The following B4GALNT2 variants were observed in gnomAD, a reference collection of about 807,000 sequenced individuals.
B4GALNT2 encodes beta-1,4-N-acetyl-galactosaminyltransferase 2 (SID blood group).
Under a neutral mutation model 51.1 loss-of-function variants are expected in B4GALNT2, and 42 were observed. That is an observed-to-expected ratio of 0.82 (90% confidence interval 0.64 to 1.06). The LOEUF (loss-of-function observed/expected upper bound fraction) is 1.06, where lower values mean the gene tolerates loss of function less well. B4GALNT2 is among the 50% of genes least tolerant of loss of function. The pLI is 0.00. For missense variants in B4GALNT2, 602 were observed against 633.6 expected (o/e 0.95, Z 0.54); for synonymous variants, 253 against 251.7 (o/e 1.01, Z -0.05).
chr17:49,164,241 A>G lies in B4GALNT2; in HGVS notation c.920A>G (p.Asn307Ser). 2 of 1,613,410 alleles carry G rather than the reference A, an allele frequency of 1.2e-6. No homozygotes were observed. The highest frequency in any genetic ancestry group is 1.7e-6 in the Non-Finnish European group (2 of 1,179,394). Residue 307 changes from asparagine to serine, a missense_variant, in exon 8 of 11, where the codon AAT (asparagine) becomes AGT (serine). Physicochemically the swap from Asn to Ser is conservative, Grantham distance 46. Transcript: ENST00000393354. ...CAGAAGCCCCTGGAAATTAAAGACAATCACGTGGAGTATTACACTATGCCC... is the reference window on the plus strand; with the variant it reads ...CAGAAGCCCCTGGAAATTAAAGACAGTCACGTGGAGTATTACACTATGCCC... ...DSQKPLEIKD[N>S]HVEYYTMPFG...
chr17:49,128,944 A>G (rs1035797631), upstream of B4GALNT2, among the ~76,000 whole-genome samples: 1 of 152,182 alleles, frequency 6.6e-6, no homozygotes, highest in Non-Finnish European at 1.5e-5. Context: ...CTCTTTATAA[A>G]GAGGATGGTC....
rs1437864818 is a variant in B4GALNT2, at chr17:49,169,936, A to T, written c.*208A>T. 2.1e-5 allele frequency: 10 copies of T among 476,112 alleles called. No individual in the cohort carries two copies. The South Asian group carries it at 4.4e-4, about 21-fold the overall frequency. The allele number at this position is 476,112 out of a possible 1,614,324, so 29.5% of individuals were successfully genotyped here. ...CACTGACCAGGGCAATGGAGACTGT[A>T]TTAATAGCAATGATGATTTGTACAA... On this transcript the variant is annotated 3_prime_UTR_variant, in exon 11 of 11. Transcript: ENST00000393354.
intron 3 of B4GALNT2, among the ~76,000 whole-genome samples, chr17:49,142,796 T>C (rs1299711818): frequency 6.6e-6 from 1 of 152,196 alleles, no homozygotes; most frequent in African/African-American, 2.4e-5. Flanking sequence ...CAGGCCATCA[T>C]AGCAGGTGAT....
intron 3 of B4GALNT2, chr17:49,148,670 C>A: frequency 1.8e-6 from 1 of 564,732 alleles, no homozygotes; most frequent in South Asian, 2.1e-5. Flanking sequence ...GCACAACCTT[C>A]ATGACATGAA....
At chr17:49,127,914 C>G (rs867511247), upstream of B4GALNT2, among the ~76,000 whole-genome samples, 17 of 152,100 alleles carry the variant, frequency 1.1e-4, no homozygotes, top group Admixed American at 2.6e-4. Flanking sequence ...AATGGCAAGA[C>G]AGAGTGGAGA....
intron 1 of B4GALNT2, among the ~76,000 whole-genome samples, chr17:49,136,396 A>G (rs1284574329): frequency 6.6e-6 from 1 of 151,942 alleles, no homozygotes; most frequent in African/African-American, 2.4e-5. Flanking sequence ...CATTTCAGGC[A>G]TACAATCGAA....
chr17:49,176,689 C>G lies in B4GALNT2; in HGVS notation c.*6961C>G, dbSNP rs1160369362. 1 of 152,228 alleles carries G rather than the reference C, an allele frequency of 6.6e-6. No homozygotes were observed. The highest frequency in any genetic ancestry group is 6.5e-5 in the Admixed American group (1 of 15,280). 9.4% of individuals were successfully genotyped at this position (152,228 alleles called of 1,614,324 possible). On this transcript the variant is annotated 3_prime_UTR_variant, in exon 11 of 11. Transcript: ENST00000393354. ...GCCAGATTTGGGGGCCTGTTCCCAA[C>G]AGCAGATTCTATGACCACTTCAGCC...
In B4GALNT2 at chr17:49,141,416, C is replaced by T; in HGVS notation, c.184C>T (p.Leu62Phe). The change falls in exon 2 of 11, where the codon CTC becomes TTC. Residue 62 changes from leucine (L) to phenylalanine (F), a missense_variant. Coordinates refer to ENST00000393354, the MANE Select transcript of B4GALNT2 (RefSeq NM_001159387.2). Reference sequence around the variant, plus strand: ...GCTGAAGCTTCTGCCTGAGGAACGTCTCAGGAACCTCTTTTCCTACGATGG... The same window carrying T: ...GCTGAAGCTTCTGCCTGAGGAACGTTTCAGGAACCTCTTTTCCTACGATGG... ...QKLKLLPEER[L>F]RNLFSYDGIW... 1 of 1,614,170 alleles carries T rather than the reference C, an allele frequency of 6.2e-7. No homozygotes were observed. The highest frequency in any genetic ancestry group is 1.1e-5 in the South Asian group (1 of 91,078).
upstream of B4GALNT2, chr17:49,132,697 C>A (rs890502233): frequency 2.5e-5 from 34 of 1,347,068 alleles, no homozygotes; most frequent in Non-Finnish European, 3.0e-5. Context: ...CCCTACTCGC[C>A]GAGAATTTGC....
At chr17:49,150,076 G>C (rs1392477231) in intron 3 of B4GALNT2, among the ~76,000 whole-genome samples, 1 of 152,120 alleles carries the variant, frequency 6.6e-6, no homozygotes, top group Non-Finnish European at 1.5e-5. Flanking sequence ...GGTCGGGGGG[G>C]GTCAGCCCCC....
At chr17:49,154,550 C>T (rs1367479908) in intron 4 of B4GALNT2, among the ~76,000 whole-genome samples, 1 of 150,798 alleles carries the variant, frequency 6.6e-6, no homozygotes, top group East Asian at 2.0e-4. Flanking sequence ...AACAGCCCCC[C>T]GAAACCTGCA....
At chr17:49,163,163 C>T (rs1044382836) in intron 7 of B4GALNT2, among the ~76,000 whole-genome samples, 5 of 152,160 alleles carry the variant, frequency 3.3e-5, no homozygotes, top group Non-Finnish European at 7.3e-5. Flanking sequence ...ACATCTGCAG[C>T]TCCAGTTGTG....
intron 7 of B4GALNT2, among the ~76,000 whole-genome samples, chr17:49,161,805 C>T (rs958444598): frequency 2.7e-5 from 4 of 150,682 alleles, no homozygotes; most frequent in African/African-American, 4.9e-5. Flanking sequence ...TGCAGTGAGC[C>T]GAGATCCTGC....
chr17:49,169,538 G>C lies in B4GALNT2; in HGVS notation c.1331G>C (p.Gly444Ala). Reference sequence around the variant, plus strand: ...CTCTTTGCAGAATTCTTCATTGATGGGCTAGGGACCCTACTCGTGGGGTCA... The same window carrying C: ...CTCTTTGCAGAATTCTTCATTGATGCGCTAGGGACCCTACTCGTGGGGTCA... ...RVAHSEFFID[G>A]LGTLLVGSCP... Residue 444 changes from glycine to alanine, a missense_variant, in exon 11 of 11, where the codon GGG becomes GCG. Transcript: ENST00000393354. 2 of 1,611,646 alleles carry C rather than the reference G, an allele frequency of 1.2e-6. No homozygotes were observed. Among genetic ancestry groups the C allele is most frequent in the Non-Finnish European group, 1.7e-6 (2 of 1,179,948 alleles).
At chr17:49,146,628 A>C (rs901613380) in intron 3 of B4GALNT2, among the ~76,000 whole-genome samples, 1 of 152,078 alleles carries the variant, frequency 6.6e-6, no homozygotes, top group Non-Finnish European at 1.5e-5. Context: ...GTCTTTTCTT[A>C]ATTTCCATTG....
chr17:49,142,104 C>G lies in B4GALNT2; in HGVS notation c.285C>G (p.Ala95=). The change falls in exon 3 of 11, where the codon GCC becomes GCG. Residue 95 remains alanine, a synonymous_variant. Transcript: ENST00000393354. ...AGGGAGGTTACAACTTTCAGGATGCCTATGGCCAGAGCGACCTCCCAGCGG... is the reference window on the plus strand; with the variant it reads ...AGGGAGGTTACAACTTTCAGGATGCGTATGGCCAGAGCGACCTCCCAGCGG... ...KEQGGYNFQD[A]YGQSDLPAVK... 1 of 1,614,128 alleles carries G rather than the reference C, an allele frequency of 6.2e-7. No homozygotes were observed. Among genetic ancestry groups the G allele is most frequent in the Non-Finnish European group, 8.5e-7 (1 of 1,180,026 alleles).
At chr17:49,164,693 G>T (rs1013311101) in intron 8 of B4GALNT2, among the ~76,000 whole-genome samples, 1 of 151,922 alleles carries the variant, frequency 6.6e-6, no homozygotes, top group African/African-American at 2.4e-5. Flanking sequence ...GTAGAGGCAG[G>T]GTTCACCGTG....
intron 9 of B4GALNT2, among the ~76,000 whole-genome samples, chr17:49,167,339 G>A (rs1008510253): frequency 7.2e-5 from 11 of 152,178 alleles, no homozygotes; most frequent in African/African-American, 2.4e-4. Context: ...TGATGTAAAC[G>A]TTTCTCGCAT....
At chr17:49,162,513 A>C (rs1028106522) in intron 7 of B4GALNT2, among the ~76,000 whole-genome samples, 1 of 152,210 alleles carries the variant, frequency 6.6e-6, no homozygotes, top group Non-Finnish European at 1.5e-5. Context: ...TTAAATGTGT[A>C]TATCCTTTAG....
Sources: gnomAD v4.1 joint callset for allele counts (sites outside exome capture counted in the v4.1 genomes callset) on GRCh38, gnomAD v4.1.1 for gene constraint, MANE v1.5 for transcripts, NCBI Gene and HGNC (gene_info 2026-07-23, HGNC 2026-07-21) for gene names.